MARCO: variants seen among roughly 807,000 people sequenced by gnomAD.
The protein encoded by MARCO is macrophage receptor with collagenous structure.
A neutral mutation model predicts 70.0 loss-of-function variants in MARCO; 72 were observed. The ratio of observed to expected loss-of-function variants is 1.03; its 90% CI spans 0.85 to 1.25. The LOEUF is 1.25. Ranked by LOEUF, MARCO falls within the 50% of genes most tolerant of loss-of-function variation. The pLI is 0.00. For synonymous variants in MARCO, 273 were observed against 243.1 expected, an observed-to-expected ratio of 1.12 and a Z score of -1.14; for missense variants, 696 against 659.3, an observed-to-expected ratio of 1.06 and a Z score of -0.61.
In MARCO at chr2:118,992,139, C is replaced by T. The variant is rs145366493; in HGVS notation, c.1207+264C>T. On this transcript the variant is annotated intron_variant, in intron 14 of 16. Coordinates refer to ENST00000327097, the MANE Select transcript of MARCO (RefSeq NM_006770.4). ...AGCCATGCCCCACGACCCAACACTC[C>T]TAGGCAGTTTCCATGAAGGAGATGA... Among the ~76,000 whole-genome samples the T allele has an allele frequency of 2.2e-4, 34 of 152,304 alleles. 1 individual carries two copies. Among genetic ancestry groups the T allele is most frequent in the Middle Eastern group, 3.4e-3 (1 of 294 alleles).
chr2:118,989,632 A>T (rs1680584037), intron 12 of MARCO, among the ~76,000 whole-genome samples: 1 of 152,154 alleles, frequency 6.6e-6, no homozygotes, highest in South Asian at 2.1e-4. Context: ...AAATCCAGGG[A>T]TTGAAGTGAG....
rs1680603451 is a variant in MARCO at position 118,990,620 on chromosome 2, A to G, written c.1095A>G (p.Glu365=). 3.9e-6 allele frequency: 6 copies of G among 1,530,010 alleles called. No homozygotes were observed. Among genetic ancestry groups the G allele is most frequent in the Non-Finnish European group, 5.3e-6 (6 of 1,128,144 alleles). The allele number at this position is 1,530,010 out of a possible 1,614,324, so 94.8% of individuals were successfully genotyped here. A position where few individuals can be genotyped will look rare whatever the true frequency, so the allele number is the denominator to read the frequency against. ...AAGGACAGCAAGGAAGAAAAGGAGA[A>G]TCAGGAGTTCCAGGTAAAGGGCAGG... is the stretch of plus-strand genomic sequence containing the variant. ...GLQGQQGRKG[E]SGVPGPAGVK... is the part of the protein sequence containing the mutation. The change falls in exon 13 of 17, where the codon GAA becomes GAG. Residue 365 remains glutamate (E), a synonymous_variant. Coordinates refer to ENST00000327097, the MANE Select transcript of MARCO (RefSeq NM_006770.4).
intron 1 of MARCO, among the ~76,000 whole-genome samples, chr2:118,950,728 A>G (rs537531333): frequency 2.6e-5 from 4 of 152,312 alleles, no homozygotes; most frequent in South Asian, 4.1e-4. Flanking sequence ...TTCTTTAAAC[A>G]ACCAGTTAAT....
chr2:118,969,102 G>A (rs13004924), intron 1 of MARCO, 58 bp from the exon 2 acceptor site: 19,045 of 1,256,138 alleles, frequency 0.015, 176 homozygotes, highest in Non-Finnish European at 0.019. Context: ...GGAGCAGGCA[G>A]GGACTTCCTG....
At chr2:118,954,016 G>A (rs1278862189) in intron 1 of MARCO, among the ~76,000 whole-genome samples, 1 of 152,186 alleles carries the variant, frequency 6.6e-6, no homozygotes, top group Non-Finnish European at 1.5e-5. Flanking sequence ...AGGGAGAAAG[G>A]ATTCTCTAGC....
At chr2:118,976,852 T>G (rs573318023) in intron 6 of MARCO, among the ~76,000 whole-genome samples, 1 of 152,274 alleles carries the variant, frequency 6.6e-6, no homozygotes, top group Non-Finnish European at 1.5e-5. Flanking sequence ...TTCTGGACCT[T>G]TGGGAAGAGA....
At chr2:118,951,469 G>A (rs1679721142) in intron 1 of MARCO, among the ~76,000 whole-genome samples, 1 of 152,256 alleles carries the variant, frequency 6.6e-6, no homozygotes, top group Non-Finnish European at 1.5e-5. Context: ...GTTCTGGCCT[G>A]ATGAGGTGTG....
chr2:118,974,555 G>T lies in MARCO; in HGVS notation c.603G>T (p.Lys201Asn). 6.2e-7 allele frequency: 1 copy of T among 1,613,312 alleles called. No homozygotes were observed. Among genetic ancestry groups the T allele is most frequent in the Non-Finnish European group, 8.5e-7 (1 of 1,179,808 alleles). The change falls in exon 6 of 17, where the codon AAG becomes AAT. Residue 201 changes from lysine (K) to asparagine (N), a missense_variant. Around this residue, in one of 3 missense-constraint regions of MARCO, gnomAD observed 605 missense variants for 537.6 expected, o/e 1.13. Coordinates refer to ENST00000327097, the MANE Select transcript of MARCO (RefSeq NM_006770.4). Reference protein sequence around the residue: ...PSGPQGPPGVKGEAGLQGPQG... With the variant: ...PSGPQGPPGVNGEAGLQGPQG... ...GACCCCAAGGCCCACCGGGAGTCAAGGGAGAGGCGGGTGAGTAGGTGCTGG... is the reference window on the plus strand; with the variant it reads ...GACCCCAAGGCCCACCGGGAGTCAATGGAGAGGCGGGTGAGTAGGTGCTGG...
At position 118,982,406 on chromosome 2, in the gene MARCO, C is replaced by T; in HGVS notation, c.1059C>T (p.Asp353=). Residue 353 remains aspartate (D), a synonymous_variant, in exon 12 of 17, where the codon GAC becomes GAT. Coordinates refer to ENST00000327097, the MANE Select transcript of MARCO (RefSeq NM_006770.4). ...GATGLKGSKG[D]TGLQGQQGRK... is the part of the protein sequence containing the mutation. ...CAGGCCTGAAAGGAAGCAAAGGGGA[C>T]ACAGGTAACAGAGGGTGCAGTGGGT... 2 of 1,613,912 alleles carry T rather than the reference C, an allele frequency of 1.2e-6. No homozygotes were observed. The highest frequency in any genetic ancestry group is 1.7e-6 in the Non-Finnish European group (2 of 1,179,888).
rs751976426 is a variant in MARCO, at chr2:118,974,444, C to T, written c.568+4C>T. On this transcript the variant is annotated splice_donor_region_variant and intron_variant, in intron 5 of 16. Coordinates refer to ENST00000327097, the MANE Select transcript of MARCO (RefSeq NM_006770.4). The stretch of plus-strand genomic sequence containing the variant: ...ATGGGACGAGATGGAGCAACAGGTA[C>T]GGGTCTTTTTCTTCTGACCCTTAAT... 4.3e-6 allele frequency: 7 copies of T among 1,612,066 alleles called. No individual in the cohort carries two copies. The highest frequency in any genetic ancestry group is 2.2e-5 in the East Asian group (1 of 44,850).
intron 12 of MARCO, among the ~76,000 whole-genome samples, chr2:118,989,579 C>T (rs1052895002): frequency 1.3e-5 from 2 of 152,220 alleles, no homozygotes; most frequent in African/African-American, 4.8e-5. Context: ...CTGCCAGCCC[C>T]TTGCCTCTCC....
chr2:118,977,416 A>T, intron 6 of MARCO, 55 bp from the exon 7 acceptor site: 1 of 1,402,260 alleles, frequency 7.1e-7, no homozygotes, highest in Non-Finnish European at 1.0e-6. Context: ...CTGATTAAAG[A>T]CATTTTAGAC....
At chr2:118,974,641 G>T in intron 6 of MARCO, 76 bp downstream of exon 6, 2 of 1,424,600 alleles carry the variant, frequency 1.4e-6, no homozygotes, top group Non-Finnish European at 9.7e-7. Context: ...TGCAGACGCA[G>T]CCTCCCTCCA....
At chr2:118,983,843 C>T (rs932141844) in intron 12 of MARCO, among the ~76,000 whole-genome samples, 1 of 152,068 alleles carries the variant, frequency 6.6e-6, no homozygotes, top group Admixed American at 6.5e-5. Flanking sequence ...TCTCAACTAA[C>T]CAAGAGTATT....
At chr2:118,945,375 G>A (rs1263491848) in intron 1 of MARCO, among the ~76,000 whole-genome samples, 1 of 150,624 alleles carries the variant, frequency 6.6e-6, no homozygotes, top group Non-Finnish European at 1.5e-5. Flanking sequence ...GTTAGGCTGT[G>A]CAATGTGATC....
intron 12 of MARCO, among the ~76,000 whole-genome samples, chr2:118,989,725 T>C (rs1483920694): frequency 6.6e-6 from 1 of 152,218 alleles, no homozygotes; most frequent in African/African-American, 2.4e-5. Flanking sequence ...GGGACACAGA[T>C]ACTTATGACT....
chr2:118,973,725 G>A lies in MARCO; in HGVS notation c.461-608G>A, dbSNP rs369007609. ...CCTGCCGGTGGAACTGCCTTCCCAC[G>A]CAGGCTGCCTGGAACACAGTCAGGG... On this transcript the variant is annotated intron_variant, in intron 4 of 16. Coordinates refer to ENST00000327097, the MANE Select transcript of MARCO (RefSeq NM_006770.4). 8.5e-5 allele frequency among the ~76,000 whole-genome samples: 13 copies of A among 152,268 alleles called. No individual in the cohort carries two copies. The East Asian group carries it at 1.7e-3, about 20-fold the overall frequency.
intron 1 of MARCO, among the ~76,000 whole-genome samples, chr2:118,962,027 G>A (rs534970252): frequency 4.6e-5 from 7 of 152,124 alleles, no homozygotes; most frequent in Middle Eastern, 3.4e-3. Flanking sequence ...TCAGATGCTC[G>A]TAGACGTGCG....
chr2:118,973,421 T>C (rs1680212982), intron 4 of MARCO, among the ~76,000 whole-genome samples: 1 of 152,172 alleles, frequency 6.6e-6, no homozygotes, highest in Admixed American at 6.5e-5. Flanking sequence ...TCCCACTCTT[T>C]CTTTTTGTGC....
Sources: gnomAD v4.1 joint callset for allele counts (sites outside exome capture counted in the v4.1 genomes callset) on GRCh38, gnomAD v4.1.1 for gene constraint, gnomAD v4.1.1 regional missense constraint, MANE v1.5 for transcripts, NCBI Gene and HGNC (gene_info 2026-07-23, HGNC 2026-07-21) for gene names.